The following DNAH17 variants were observed in gnomAD, a reference collection of about 807,000 sequenced individuals.
DNAH17 encodes axonemal beta dynein heavy chain 17.
In DNAH17, 376 loss-of-function variants were observed where a neutral mutation model predicts 485.6. That is an observed-to-expected ratio of 0.77 (90% CI 0.71 to 0.84). DNAH17 has a LOEUF of 0.84. Among genes scored for constraint, DNAH17 ranks in the 40% least tolerant of loss-of-function variants. The probability of loss-of-function intolerance (pLI) is 0.00; values close to 1 mark genes in which losing one functional copy is unlikely to be tolerated. For synonymous variants in DNAH17, 3,031 were observed against 2,405.9 expected (o/e 1.26, Z -7.60); for missense variants, 6,370 against 5,839.3 (o/e 1.09, Z -2.96).
chr17:78,474,721 T>C (rs1419585325), intron 54 of DNAH17, among the ~76,000 whole-genome samples: 4 of 152,082 alleles, frequency 2.6e-5, no homozygotes, highest in Non-Finnish European at 5.9e-5. Flanking sequence ...TTTCACACCC[T>C]TCACCTCAGT....
At chr17:78,575,152 C>A (rs1258199328) in intron 1 of DNAH17, 70 bp from the exon 2 acceptor site, 4 of 1,006,906 alleles carry the variant, frequency 4.0e-6, no homozygotes, top group Non-Finnish European at 5.8e-6. Context: ...ATCCCTGGCA[C>A]CGCAGGAAAT....
At chr17:78,477,884 C>T (rs1048752660) in intron 51 of DNAH17, among the ~76,000 whole-genome samples, 1 of 151,648 alleles carries the variant, frequency 6.6e-6, no homozygotes, top group Non-Finnish European at 1.5e-5. Context: ...CCACCACCAT[C>T]GCTATCATCA....
At chr17:78,448,067 A>T (rs2087387549) in intron 69 of DNAH17, among the ~76,000 whole-genome samples, 1 of 151,894 alleles carries the variant, frequency 6.6e-6, no homozygotes, top group Non-Finnish European at 1.5e-5. Flanking sequence ...AGCTACTCGG[A>T]AGACTGAGGT....
chr17:78,427,988 A>T (rs1450287334), intron 77 of DNAH17, among the ~76,000 whole-genome samples: 1 of 127,598 alleles, frequency 7.8e-6, no homozygotes, highest in Non-Finnish European at 1.7e-5. Flanking sequence ...AAAAAAAAAA[A>T]GTGGAGGTAC....
In DNAH17 at chr17:78,502,581, A is replaced by G; in HGVS notation, c.5190+10T>C. On this transcript the variant is annotated intron_variant, in intron 33 of 80. Transcript: ENST00000389840. ...TTAAAAACGTAACTAACTACACACT[A>G]GTAACACACCTGCTTTTTGTTATAA... 1 of 1,610,620 alleles carries G rather than the reference A, an allele frequency of 6.2e-7. No individual in the cohort carries two copies. The highest frequency in any genetic ancestry group is 8.5e-7 in the Non-Finnish European group (1 of 1,178,208).
intron 25 of DNAH17, among the ~76,000 whole-genome samples, chr17:78,521,755 G>A (rs796948065): frequency 6.6e-6 from 1 of 152,310 alleles, no homozygotes; most frequent in African/African-American, 2.4e-5. Flanking sequence ...GGGAGGCCAA[G>A]GCGGGCGCAT....
intron 14 of DNAH17, among the ~76,000 whole-genome samples, chr17:78,555,087 C>T (rs552458499): frequency 1.2e-4 from 18 of 152,214 alleles, no homozygotes; most frequent in Middle Eastern, 3.4e-3. Flanking sequence ...CCCATGCCTT[C>T]GAATGTTTTC....
rs2089997190 is a variant in DNAH17, at chr17:78,494,583, G to A, written c.6270+10C>T. 1 of 1,613,154 alleles carries A rather than the reference G, an allele frequency of 6.2e-7. No homozygotes were observed. Among genetic ancestry groups the A allele is most frequent in the Non-Finnish European group, 8.5e-7 (1 of 1,179,644 alleles). Reference sequence around the variant, plus strand: ...TTCTCCGGACAGACCTGAGACCCAGGAGTCCCGACCTTTTCAAAATTCAGG... The same window carrying A: ...TTCTCCGGACAGACCTGAGACCCAGAAGTCCCGACCTTTTCAAAATTCAGG... On this transcript the variant is annotated intron_variant, in intron 40 of 80. Transcript: ENST00000389840.
intron 25 of DNAH17, among the ~76,000 whole-genome samples, chr17:78,515,646 G>A (rs1292503667): frequency 1.3e-5 from 2 of 152,248 alleles, no homozygotes; most frequent in Non-Finnish European, 2.9e-5. Context: ...CTTGGCCAAG[G>A]AAAGGTGAGT....
chr17:78,510,264 C>T (rs2090597596), intron 27 of DNAH17, 120 bp downstream of exon 27: 12 of 1,455,620 alleles, frequency 8.2e-6, no homozygotes, highest in South Asian at 1.3e-5. Context: ...AAGAAAGGCC[C>T]GCCAGACTTC....
At chr17:78,542,210 C>CA (rs1248738547) in intron 17 of DNAH17, among the ~76,000 whole-genome samples, 2 of 148,678 alleles carry the variant, frequency 1.3e-5, no homozygotes, top group African/African-American at 5.0e-5. Context: ...TGCAGTGGTG[C>CA]AATCTTGGTT....
intron 68 of DNAH17, chr17:78,449,837 CTAA>C (rs2087470022): frequency 2.1e-6 from 1 of 474,586 alleles, no homozygotes; most frequent in African/African-American, 2.2e-5. Context: ...CCACACCTGG[CTAA>C]TTTTTTTTTA....
chr17:78,488,895 C>T lies in DNAH17; in HGVS notation c.6818+1804G>A, dbSNP rs139867384. Among the ~76,000 whole-genome samples the T allele has an allele frequency of 2.2e-3, 338 of 152,202 alleles. 1 individual carries two copies. The highest frequency in any genetic ancestry group is 7.2e-3 in the African/African-American group (300 of 41,538). ...GGATGCCAAGGACCGCCGAGAGCCC[C>T]CAGGAGCTGGGAGAGAGGCCTGGGA... On this transcript the variant is annotated intron_variant, in intron 44 of 80. Coordinates refer to ENST00000389840, the MANE Select transcript of DNAH17 (RefSeq NM_173628.4).
rs748649991 is a variant in DNAH17, at chr17:78,466,739, C to T, written c.8856G>A (p.Thr2952=). 68 of 1,612,816 alleles carry T rather than the reference C, an allele frequency of 4.2e-5. No individual in the cohort carries two copies. The highest frequency in any genetic ancestry group is 2.5e-4 in the South Asian group (23 of 90,930). Residue 2952 remains threonine, a synonymous_variant, in exon 56 of 81, where the codon ACG becomes ACA. Transcript: ENST00000389840. ...GCCACTCGTGGAACCAGTCGATGGC[C>T]GTGCAGTTGACCACAGCTGGGAACT... ...ARKFPAVVNC[T]AIDWFHEWPE...
intron 16 of DNAH17, among the ~76,000 whole-genome samples, chr17:78,547,454 G>T (rs537951786): frequency 6.6e-6 from 1 of 152,068 alleles, no homozygotes; most frequent in Non-Finnish European, 1.5e-5. Context: ...GCAGAATATT[G>T]TTCTGTATCC....
Position 78,490,832 on chromosome 17 carries a change from T to G in DNAH17, c.6685A>C (p.Ser2229Arg). ...MDDNKVLTLA[S>R]NERIPLNRTM... The stretch of plus-strand genomic sequence containing the variant: ...CGGTTCAGGGGGATCCGCTCGTTGC[T>G]GGCCAGGGTGAGGACCTAGGAGGGG... The change falls in exon 44 of 81, where the codon AGC (serine) becomes CGC (arginine). Residue 2229 changes from serine (S) to arginine (R), a missense_variant. Ser to Arg is a moderately radical substitution (Grantham distance 110, BLOSUM62 -1). Transcript: ENST00000389840. The G allele has an allele frequency of 6.2e-7, 1 of 1,601,162 alleles. No individual in the cohort carries two copies. The highest frequency in any genetic ancestry group is 8.5e-7 in the Non-Finnish European group (1 of 1,173,694).
At chr17:78,529,846 G>A (rs942238054) in intron 21 of DNAH17, among the ~76,000 whole-genome samples, 152 bp from the exon 22 acceptor site, 2 of 152,074 alleles carry the variant, frequency 1.3e-5, no homozygotes, top group African/African-American at 4.8e-5. Context: ...TGCCCACCTT[G>A]GATCCCTCCA....
chr17:78,482,932 T>C (rs976092208), intron 48 of DNAH17, among the ~76,000 whole-genome samples: 7 of 152,094 alleles, frequency 4.6e-5, no homozygotes, highest in Admixed American at 2.6e-4. Flanking sequence ...AAAGCAAAAA[T>C]CTTAAACAAA....
intron 14 of DNAH17, among the ~76,000 whole-genome samples, chr17:78,554,703 C>CACTAG (rs2091982838): frequency 1.3e-5 from 2 of 152,114 alleles, no homozygotes; most frequent in Non-Finnish European, 2.9e-5. Flanking sequence ...TAAAAATACA[C>CACTAG]ACTAGATGCT....
Sources: allele counts gnomAD v4.1 joint callset (sites outside exome capture counted in the v4.1 genomes callset), GRCh38; gene constraint gnomAD v4.1.1; transcripts MANE v1.5; gene names NCBI Gene and HGNC (gene_info 2026-07-23, HGNC 2026-07-21).